GRXCR1: variants seen among roughly 807,000 people sequenced by gnomAD.
The protein encoded by GRXCR1 is glutaredoxin and cysteine rich domain containing 1, also known as glutaredoxin domain-containing cysteine-rich protein 1.
Under a neutral mutation model 27.3 loss-of-function variants are expected in GRXCR1, and 27 were observed. The observed-to-expected ratio is 0.99, with a 90% CI of 0.73 to 1.37. The LOEUF is 1.37. Among genes scored for constraint, GRXCR1 ranks in the 40% most tolerant of loss-of-function variants. GRXCR1 has a pLI of 0.00. For missense variants in GRXCR1, 379 were observed against 354.4 expected, an observed-to-expected ratio of 1.07 and a Z score of -0.56; for synonymous variants, 122 against 131.1, an observed-to-expected ratio of 0.93 and a Z score of 0.47.
At chr4:43,008,111 G>C (rs1248337130) in intron 2 of GRXCR1, among the ~76,000 whole-genome samples, 1 of 151,500 alleles carries the variant, frequency 6.6e-6, no homozygotes, top group African/African-American at 2.4e-5. Flanking sequence ...ACTTTTTAAC[G>C]TTTTAGTTTT....
chr4:42,970,805 C>T (rs1748367070), intron 2 of GRXCR1, among the ~76,000 whole-genome samples: 1 of 152,154 alleles, frequency 6.6e-6, no homozygotes, highest in South Asian at 2.1e-4. Context: ...CAAATTTCTT[C>T]AGCCAGCAGC....
chr4:42,947,590 T>C (rs1747777862), intron 1 of GRXCR1, among the ~76,000 whole-genome samples: 1 of 152,170 alleles, frequency 6.6e-6, no homozygotes, highest in Non-Finnish European at 1.5e-5. Flanking sequence ...ATGAGACTTA[T>C]TATTTTGTTC....
chr4:42,936,310 C>T (rs1168890285), intron 1 of GRXCR1, among the ~76,000 whole-genome samples: 1 of 151,798 alleles, frequency 6.6e-6, no homozygotes, highest in Admixed American at 6.6e-5. Context: ...ATCCATTTAT[C>T]CAATTTTAAT....
chr4:43,023,495 A>G (rs542082166), intron 3 of GRXCR1, among the ~76,000 whole-genome samples: 3 of 152,302 alleles, frequency 2.0e-5, no homozygotes, highest in East Asian at 3.9e-4. Flanking sequence ...GATGAAGATT[A>G]TTAGTGGCCT....
chr4:42,921,878 C>T (rs1747019629), intron 1 of GRXCR1, among the ~76,000 whole-genome samples: 1 of 152,100 alleles, frequency 6.6e-6, no homozygotes, highest in African/African-American at 2.4e-5. Context: ...GCCCACCTTC[C>T]TTTTCCTCAT....
intron 1 of GRXCR1, among the ~76,000 whole-genome samples, chr4:42,950,887 TTATGTCTA>T (rs1488439071): frequency 1.3e-5 from 2 of 152,120 alleles, no homozygotes; most frequent in East Asian, 1.9e-4. Context: ...TATGTCTACA[TTATGTCTA>T]TATGTCTATA....
chr4:43,014,458 A>G (rs936288853), intron 2 of GRXCR1, among the ~76,000 whole-genome samples: 6 of 152,130 alleles, frequency 3.9e-5, no homozygotes, highest in Non-Finnish European at 7.4e-5. Context: ...AACTCCTTCA[A>G]TGCCAGCCCT....
At chr4:42,964,986 T>C (rs1748205251) in intron 2 of GRXCR1, among the ~76,000 whole-genome samples, 1 of 152,076 alleles carries the variant, frequency 6.6e-6, no homozygotes, top group Non-Finnish European at 1.5e-5. Flanking sequence ...TTTCAACTCC[T>C]GTGCAACTGC....
chr4:42,989,944 T>A (rs1711909036), intron 2 of GRXCR1, among the ~76,000 whole-genome samples: 1 of 152,050 alleles, frequency 6.6e-6, no homozygotes, highest in Non-Finnish European at 1.5e-5. Context: ...ATATGTATGA[T>A]TTATAAATAT....
chr4:42,906,862 G>C (rs1406882603), intron 1 of GRXCR1, among the ~76,000 whole-genome samples: 2 of 151,978 alleles, frequency 1.3e-5, no homozygotes, highest in African/African-American at 4.8e-5. Flanking sequence ...TAATTTAAAG[G>C]ACAATGAAAA....
chr4:42,975,166 T>C (rs1748484273), intron 2 of GRXCR1, among the ~76,000 whole-genome samples: 2 of 152,138 alleles, frequency 1.3e-5, no homozygotes, highest in South Asian at 4.1e-4. Context: ...AAAAACCTTT[T>C]GAGCATTGTA....
chr4:43,024,813 A>G (rs775237937), intron 3 of GRXCR1, among the ~76,000 whole-genome samples: 2 of 152,178 alleles, frequency 1.3e-5, no homozygotes, highest in African/African-American at 2.4e-5. Context: ...AAATACATAG[A>G]CCAAGATGAA....
rs1035196359 is a variant in GRXCR1 at position 42,893,112 on chromosome 4, G to A, written c.-155G>A. Among the ~76,000 whole-genome samples, 1 of 152,126 alleles carries A rather than the reference G, an allele frequency of 6.6e-6. No homozygotes were observed. The highest frequency in any genetic ancestry group is 1.9e-4 in the East Asian group (1 of 5,184). On this transcript the variant is annotated 5_prime_UTR_variant, in exon 1 of 4. Transcript: ENST00000399770. ...TTATTATTAATAGCAGAGACACACT[G>A]TAAGTCCTTGGGAATCTTCTTTCCT...
Position 42,966,728 on chromosome 4 carries a change from G to A in GRXCR1, c.627+3594G>A, listed in dbSNP as rs142588725. The stretch of plus-strand genomic sequence containing the variant: ...GGTGTTGTGAGTCTTCTGGATATTA[G>A]CCATTCTAATAGATGTGTAGAGATA... On this transcript the variant is annotated intron_variant, in intron 2 of 3. Transcript: ENST00000399770. Among the ~76,000 whole-genome samples the A allele has an allele frequency of 1.8e-3, 279 of 152,158 alleles. 1 individual carries two copies. Among genetic ancestry groups the A allele is most frequent in the African/African-American group, 6.6e-3 (274 of 41,554 alleles).
intron 1 of GRXCR1, among the ~76,000 whole-genome samples, chr4:42,936,900 A>G (rs1210439061): frequency 1.3e-5 from 2 of 151,868 alleles, no homozygotes; most frequent in Non-Finnish European, 2.9e-5. Flanking sequence ...TTCATTGTTG[A>G]AGTTAAACTT....
At chr4:42,928,738 A>C (rs756867898) in intron 1 of GRXCR1, among the ~76,000 whole-genome samples, 56 of 152,094 alleles carry the variant, frequency 3.7e-4, no homozygotes, top group Non-Finnish European at 3.5e-4. Context: ...AGGCAAGGCA[A>C]GGCAAGGGAG....
intron 2 of GRXCR1, among the ~76,000 whole-genome samples, chr4:42,995,240 T>G (rs950494778): frequency 6.6e-6 from 1 of 152,140 alleles, no homozygotes; most frequent in African/African-American, 2.4e-5. Context: ...ATTATGTTAC[T>G]AAGAAAAAAA....
At chr4:42,916,647 T>C (rs1279323937) in intron 1 of GRXCR1, among the ~76,000 whole-genome samples, 1 of 152,128 alleles carries the variant, frequency 6.6e-6, no homozygotes, top group Non-Finnish European at 1.5e-5. Context: ...GCGCACAATT[T>C]CCGTTCACTC....
chr4:43,030,275 A>G, intron 3 of GRXCR1, 86 bp from the exon 4 acceptor site: 1 of 1,222,606 alleles, frequency 8.2e-7, no homozygotes, highest in Non-Finnish European at 1.2e-6. Context: ...ATGACCACTC[A>G]CAGTTCAGAA....
Sources: gnomAD v4.1 joint callset for allele counts (sites outside exome capture counted in the v4.1 genomes callset) on GRCh38, gnomAD v4.1.1 for gene constraint, MANE v1.5 for transcripts, NCBI Gene and HGNC (gene_info 2026-07-23, HGNC 2026-07-21) for gene names.